Variants in KCNAB3 observed in about 807,000 individuals in gnomAD.
KCNAB3 encodes the protein potassium voltage-gated channel subfamily A regulatory beta subunit 3.
A neutral mutation model predicts 67.7 loss-of-function variants in KCNAB3; 62 were observed. That is an observed-to-expected ratio of 0.92 (90% CI 0.75 to 1.13). The LOEUF is 1.13. Ranked by LOEUF, KCNAB3 falls within the 50% of genes most tolerant of loss-of-function variation. KCNAB3 has a pLI of 0.00. For missense variants in KCNAB3, 514 were observed against 522.9 expected (o/e 0.98, Z 0.17); for synonymous variants, 212 against 205.4 (o/e 1.03, Z -0.27).
chr17:7,924,578 C>CCCCA, intron 8 of KCNAB3, 78 bp from the exon 9 acceptor site: 1 of 1,503,312 alleles, frequency 6.7e-7, no homozygotes, highest in Non-Finnish European at 8.9e-7. Flanking sequence ...CCTCCACCTG[C>CCCCA]CCCACCAAGG....
chr17:7,927,262 T>C (rs1972263061), intron 4 of KCNAB3, 82 bp downstream of exon 4: 1 of 1,334,318 alleles, frequency 7.5e-7, no homozygotes, highest in Non-Finnish European at 1.1e-6. Context: ...CCCAGGGTTC[T>C]TTAGAGGGAA....
rs1972222359 is a variant in KCNAB3, at chr17:7,926,089, A to G, written c.419T>C (p.Leu140Pro). 1 of 1,614,034 alleles carries G rather than the reference A, an allele frequency of 6.2e-7. No individual in the cohort carries two copies. The highest frequency in any genetic ancestry group is 1.3e-5 in the African/African-American group (1 of 74,910). Residue 140 changes from leucine (L) to proline (P), a missense_variant, in exon 5 of 14, where the codon CTA becomes CCA. Leu to Pro is a moderately conservative substitution (Grantham distance 98). Coordinates refer to ENST00000303790, the MANE Select transcript of KCNAB3 (RefSeq NM_004732.4). ...ACCTTTGCTCTTGAGGATGTTCCCT[A>G]GGGTTCTTTCAGCCCTAAAAGAAAC... ...VYAAGKAERTLGNILKSKGWR... is the reference protein window; with the variant it reads ...VYAAGKAERTPGNILKSKGWR...
At chr17:7,925,826 C>A (rs937235741) in intron 6 of KCNAB3, 100 bp from the exon 7 acceptor site, 14 of 1,590,280 alleles carry the variant, frequency 8.8e-6, no homozygotes, top group Non-Finnish European at 1.2e-5. Flanking sequence ...TCTTCACAGG[C>A]ATGGTGCGGA....
At chr17:7,924,572 C>T (rs1030144436) in intron 8 of KCNAB3, 72 bp from the exon 9 acceptor site, 32 of 1,506,412 alleles carry the variant, frequency 2.1e-5, no homozygotes, top group Non-Finnish European at 2.6e-5. Flanking sequence ...TGCAGACCTC[C>T]ACCTGCCCCA....
Position 7,929,612 on chromosome 17 carries a change from G to C in KCNAB3, c.-177C>G. The C allele has an allele frequency of 1.4e-6, 2 of 1,433,708 alleles. No individual in the cohort carries two copies. Among genetic ancestry groups the C allele is most frequent in the Non-Finnish European group, 1.8e-6 (2 of 1,102,614 alleles). 88.8% of individuals were successfully genotyped at this position (1,433,708 alleles called of 1,614,324 possible). A position where few individuals can be genotyped will look rare whatever the true frequency, so the allele number is the denominator to read the frequency against. On this transcript the variant is annotated 5_prime_UTR_variant, in exon 1 of 14. Transcript: ENST00000303790. The surrounding 1 kb of genome is among the most constrained non-coding windows in gnomAD (Gnocchi z 5.7). ...GGCCCGCGGGGGCGGGCTGCTGGAG[G>C]TCGCGAGGTTTGCGGCGGGAGGGAA... is the stretch of plus-strand genomic sequence containing the variant.
intron 11 of KCNAB3, 33 bp from the exon 12 acceptor site, chr17:7,923,864 G>T: frequency 6.4e-7 from 1 of 1,561,758 alleles, no homozygotes. Context: ...AGAAGACCCC[G>T]CCATCACCAC....
intron 4 of KCNAB3, among the ~76,000 whole-genome samples, chr17:7,926,759 C>G (rs540028048): frequency 6.6e-6 from 1 of 152,254 alleles, no homozygotes; most frequent in South Asian, 2.1e-4. Flanking sequence ...AGCACCTGCT[C>G]TGTGCCAGGC....
chr17:7,923,570 G>A (rs1254141478), intron 12 of KCNAB3, 26 bp from the exon 13 acceptor site: 8 of 1,577,328 alleles, frequency 5.1e-6, no homozygotes, highest in Non-Finnish European at 6.9e-6. Context: ...GAAAAAAAGA[G>A]GACTGATGGG....
Position 7,927,394 on chromosome 17 carries a change from A to G in KCNAB3, c.354T>C (p.Tyr118=), listed in dbSNP as rs752234943. ...ETAEDVLTVA[Y]EHGVNLFDTA... is the part of the protein sequence containing the mutation. Reference sequence around the variant, plus strand: ...TGTCAAACAGGTTTACACCATGCTCATAGGCTACAGTCAGCACATCCTCTG... The same window carrying G: ...TGTCAAACAGGTTTACACCATGCTCGTAGGCTACAGTCAGCACATCCTCTG... The change falls in exon 4 of 14, where the codon TAT becomes TAC. Residue 118 remains tyrosine (Y), a synonymous_variant. Coordinates refer to ENST00000303790, the MANE Select transcript of KCNAB3 (RefSeq NM_004732.4). 6.2e-7 allele frequency: 1 copy of G among 1,614,000 alleles called. No homozygotes were observed. Among genetic ancestry groups the G allele is most frequent in the South Asian group, 1.1e-5 (1 of 91,080 alleles).
rs1469186312 is a variant in KCNAB3, at chr17:7,923,972, A to T, written c.923T>A (p.Ile308Asn). The T allele has an allele frequency of 6.8e-6, 11 of 1,611,864 alleles. No individual in the cohort carries two copies. Among genetic ancestry groups the T allele is most frequent in the Non-Finnish European group, 9.3e-6 (11 of 1,179,206 alleles). Residue 308 changes from isoleucine (I) to asparagine (N), a missense_variant, in exon 11 of 14, where the codon ATC becomes AAC. Ile to Asn is a moderately radical substitution (Grantham distance 149). Transcript: ENST00000303790. ...GRVPDTCRAS[I>N]KGYQWLKDKV... ...TCGAGAGCCCCCAGATCTCACCTTG[A>T]TGGAGGCCCTGCAAGTATCTGGGAC...
chr17:7,929,234 G>C lies in KCNAB3; in HGVS notation c.202C>G (p.Leu68Val), dbSNP rs1388685537. The C allele has an allele frequency of 1.9e-5, 31 of 1,610,412 alleles. No individual in the cohort carries two copies. The highest frequency in any genetic ancestry group is 1.6e-4 in the Middle Eastern group (1 of 6,072). Residue 68 changes from leucine to valine, a missense_variant, in exon 1 of 14, where the codon CTC becomes GTC. Physicochemically the swap from Leu to Val is conservative, Grantham distance 32 (BLOSUM62 1). Coordinates refer to ENST00000303790, the MANE Select transcript of KCNAB3 (RefSeq NM_004732.4). This position sits in a 1 kb window ranked among gnomAD's most constrained non-coding sequence, Gnocchi z 5.7. Reference protein sequence around the residue: ...VPRPPAPAGALRESTGRGTGM... With the variant: ...VPRPPAPAGAVRESTGRGTGM... ...GTGCCTCGGCCGGTGCTCTCTCGGA[G>C]GGCCCCAGCGGGCGCTGGGGGTCGG... is the stretch of plus-strand genomic sequence containing the variant.
chr17:7,923,438 T>C lies in KCNAB3; in HGVS notation c.1137+18A>G, dbSNP rs773873323. ...GGGAGGGGGACAGATAGGCTCTGCC[T>C]CTGAGTCCCCGGCTCACCTGTAGCG... On this transcript the variant is annotated intron_variant, in intron 13 of 13. Transcript: ENST00000303790. The C allele has an allele frequency of 1.2e-6, 2 of 1,600,916 alleles. No homozygotes were observed. The highest frequency in any genetic ancestry group is 1.3e-5 in the African/African-American group (1 of 74,384).
chr17:7,926,791 GAGC>G (rs1401228058), intron 4 of KCNAB3, among the ~76,000 whole-genome samples: 1 of 152,128 alleles, frequency 6.6e-6, no homozygotes. Context: ...ACTTGGGGAA[GAGC>G]AAGACAAGTT....
intron 13 of KCNAB3, 125 bp from the exon 14 acceptor site, chr17:7,923,304 C>T: frequency 8.0e-7 from 1 of 1,255,496 alleles, no homozygotes; most frequent in Non-Finnish European, 1.2e-6. Context: ...CGCAGCTGTG[C>T]CGGTGCCTCG....
chr17:7,924,839 C>T, intron 8 of KCNAB3: 1 of 605,758 alleles, frequency 1.7e-6, no homozygotes, highest in South Asian at 2.7e-5. Flanking sequence ...AACTCCTGGG[C>T]TTGAATGATC....
At position 7,922,358 on chromosome 17, in the gene KCNAB3, A is replaced by G. The variant is rs1170191210; in HGVS notation, c.*744T>C. 6.6e-6 allele frequency: 1 copy of G among 152,034 alleles called. No individual in the cohort carries two copies. The highest frequency in any genetic ancestry group is 2.4e-5 in the African/African-American group (1 of 41,384). The allele number at this position is 152,034 out of a possible 1,614,324, so 9.4% of individuals were successfully genotyped here. On this transcript the variant is annotated 3_prime_UTR_variant, in exon 14 of 14. Transcript: ENST00000303790. The stretch of plus-strand genomic sequence containing the variant: ...GACGTTTTATTTATTTATTTTTTTT[A>G]AATCAAGGCGTCCCTGCCCGTGACG...
chr17:7,923,004 C>G lies in KCNAB3; in HGVS notation c.*98G>C. 3 of 1,171,484 alleles carry G rather than the reference C, an allele frequency of 2.6e-6. No homozygotes were observed. In the East Asian group the frequency reaches 7.0e-5, roughly 27 times the overall value. The allele number at this position is 1,171,484 out of a possible 1,614,324, so 72.6% of individuals were successfully genotyped here. ...TGGGCGGGGCTAGTCTGGCTCCGGC[C>G]GCTGCGTGGAGGGATCCGGAGCGGG... is the stretch of plus-strand genomic sequence containing the variant. On this transcript the variant is annotated 3_prime_UTR_variant, in exon 14 of 14. Transcript: ENST00000303790.
rs1476437035 is a variant in KCNAB3 at position 7,924,000 on chromosome 17, G to A, written c.895C>T (p.Arg299Ter). Reference protein sequence around the residue: ...CGLITSKYDGRVPDTCRASIK... With the variant: ...CGLITSKYDG ...GAGGCCCTGCAAGTATCTGGGACTC[G>A]CCCATCATACTTGCTAGTAATGAGA... Residue 299 changes from arginine (R) to a stop codon, truncating the protein, a stop_gained, in exon 11 of 14, where the codon CGA (arginine) becomes TGA (stop). Transcript: ENST00000303790. LOFTEE classifies it high-confidence loss of function. The A allele has an allele frequency of 7.4e-6, 12 of 1,613,476 alleles. 1 individual carries two copies. In the South Asian group the frequency reaches 7.7e-5, roughly 10 times the overall value.
Position 7,925,700 on chromosome 17 carries a change from C to T in KCNAB3, c.521G>A (p.Arg174Gln), listed in dbSNP as rs772078283. ...GQAETERGLS[R>Q]KHIIEGLRGS... ...ACTCTCACCCTCAATGATGTGCTTT[C>T]GGCTTAAACCTCGCTCGGTTTCTGC... Residue 174 changes from arginine to glutamine, a missense_variant, in exon 7 of 14, where the codon CGA becomes CAA. Transcript: ENST00000303790. The T allele has an allele frequency of 4.3e-5, 69 of 1,613,922 alleles. No homozygotes were observed. The highest frequency in any genetic ancestry group is 2.7e-4 in the South Asian group (25 of 91,082).
Sources: allele counts gnomAD v4.1 joint callset (sites outside exome capture counted in the v4.1 genomes callset), GRCh38; gene constraint gnomAD v4.1.1; non-coding constraint Gnocchi (gnomAD v3.1); transcripts MANE v1.5; gene names NCBI Gene and HGNC (gene_info 2026-07-23, HGNC 2026-07-21).